Variants in CDV3 observed in about 807,000 individuals in gnomAD.
The protein encoded by CDV3 is protein CDV3 homolog.
CDV3 carries 14 observed loss-of-function variants against 24.5 expected under a neutral mutation model. That is an observed-to-expected ratio of 0.57 (90% CI 0.38 to 0.89). The LOEUF is 0.89. CDV3 is among the 40% of genes least tolerant of loss of function. The probability of loss-of-function intolerance (pLI) is 0.00; values close to 1 mark genes in which losing one functional copy is unlikely to be tolerated. For missense variants in CDV3, 304 were observed against 310.2 expected, an observed-to-expected ratio of 0.98 and a Z score of 0.15; for synonymous variants, 114 against 114.1, an observed-to-expected ratio of 1.00 and a Z score of 0.00.
chr3:133,583,250 C>T (rs1933236579), intron 2 of CDV3, among the ~76,000 whole-genome samples: 1 of 152,168 alleles, frequency 6.6e-6, no homozygotes, highest in Non-Finnish European at 1.5e-5. Flanking sequence ...TTGTTTTCAT[C>T]TGCTGGAATG....
At chr3:133,585,130 T>A (rs111893927) in intron 3 of CDV3, among the ~76,000 whole-genome samples, 1 of 151,552 alleles carries the variant, frequency 6.6e-6, no homozygotes. Context: ...TCATGGCTCA[T>A]TGCAGCCCCT....
At chr3:133,583,908 C>A in intron 2 of CDV3, 94 bp from the exon 3 acceptor site, 1 of 853,026 alleles carries the variant, frequency 1.2e-6, no homozygotes, top group Non-Finnish European at 1.8e-6. Context: ...TTGACTTCTT[C>A]AGGGTCGTAC....
chr3:133,574,902 A>G (rs759701430), intron 1 of CDV3, 137 bp from the exon 2 acceptor site: 3 of 736,792 alleles, frequency 4.1e-6, no homozygotes, highest in Non-Finnish European at 6.6e-6. Flanking sequence ...CCCAGAACGA[A>G]GCAAGGGCTT....
chr3:133,586,903 A>AG (rs1057133205), intron 4 of CDV3, among the ~76,000 whole-genome samples, 181 bp downstream of exon 4: 1 of 152,352 alleles, frequency 6.6e-6, no homozygotes, highest in Admixed American at 6.5e-5. Flanking sequence ...AAGGGAGGAA[A>AG]GGGGGAGGGC....
chr3:133,575,526 CAG>C (rs2074772030), intron 2 of CDV3, among the ~76,000 whole-genome samples: 1 of 152,180 alleles, frequency 6.6e-6, no homozygotes, highest in Admixed American at 6.5e-5. Context: ...ATCATACTTA[CAG>C]AGAGATAGAG....
At chr3:133,574,678 G>A in intron 1 of CDV3, 2 of 1,037,202 alleles carry the variant, frequency 1.9e-6, no homozygotes, top group South Asian at 3.2e-5. Context: ...CGCATTTGTA[G>A]CAGCTCTTTT....
chr3:133,587,823 A>C (rs1933771278), intron 4 of CDV3, 73 bp from the exon 5 acceptor site: 1 of 1,517,112 alleles, frequency 6.6e-7, no homozygotes, highest in Admixed American at 2.2e-5. Flanking sequence ...CTTTTTTTTA[A>C]ATTCAAGGAC....
rs1933764470 is a variant in CDV3, at chr3:133,587,748, G to A, written c.627-148G>A. 2.8e-6 allele frequency: 4 copies of A among 1,419,572 alleles called. No individual in the cohort carries two copies. The African/African-American group carries it at 4.3e-5, about 15-fold the overall frequency. The allele number at this position is 1,419,572 out of a possible 1,614,324, so 87.9% of individuals were successfully genotyped here. ...TCTGTTTGAATTGAAGCCTTAAAAT[G>A]GTTTGATAAGGATTTTCTATATGCC... On this transcript the variant is annotated intron_variant, in intron 4 of 4. Coordinates refer to ENST00000264993, the MANE Select transcript of CDV3 (RefSeq NM_017548.5).
intron 2 of CDV3, among the ~76,000 whole-genome samples, chr3:133,579,014 G>T (rs9830529): frequency 0.046 from 7,058 of 152,200 alleles, 425 homozygotes; most frequent in African/African-American, 0.14. Flanking sequence ...GAATTAAAAG[G>T]TAATGTGAAA....
Position 133,583,909 on chromosome 3 carries a change from AG to A in CDV3, c.318-90del. The A allele has an allele frequency of 3.5e-6, 3 of 855,562 alleles. No homozygotes were observed. The South Asian group carries it at 5.3e-5, about 15-fold the overall frequency. 53.0% of individuals were successfully genotyped at this position (855,562 alleles called of 1,614,324 possible). A position where few individuals can be genotyped will look rare whatever the true frequency, so the allele number is the denominator to read the frequency against. On this transcript the variant is annotated intron_variant, in intron 2 of 4. Coordinates refer to ENST00000264993, the MANE Select transcript of CDV3 (RefSeq NM_017548.5). ...AGTCTCGAAAGAGATTGACTTCTTC[AG>A]GGTCGTACAGATAATCATGGATAAA... is the stretch of plus-strand genomic sequence containing the variant.
rs988581115 is a variant in CDV3, at chr3:133,586,769, G to A, written c.626+47G>A. 3 of 1,237,088 alleles carry A rather than the reference G, an allele frequency of 2.4e-6. No individual in the cohort carries two copies. In the African/African-American group the frequency reaches 4.4e-5, roughly 18 times the overall value. 76.6% of individuals were successfully genotyped at this position (1,237,088 alleles called of 1,614,324 possible). On this transcript the variant is annotated intron_variant, in intron 4 of 4. Coordinates refer to ENST00000264993, the MANE Select transcript of CDV3 (RefSeq NM_017548.5). ...ATTTTGTTTGGGACTTCTGTTCCTA[G>A]GCCAGGGAGTGGGATATAGGGGATG...
intron 2 of CDV3, among the ~76,000 whole-genome samples, chr3:133,579,316 GTGTT>G (rs951043912): frequency 4.6e-5 from 7 of 152,136 alleles, no homozygotes; most frequent in African/African-American, 1.4e-4. Flanking sequence ...CAGTATTGTA[GTGTT>G]TGTTTATAAA....
At chr3:133,583,760 C>G (rs1933301949) in intron 2 of CDV3, among the ~76,000 whole-genome samples, 1 of 152,048 alleles carries the variant, frequency 6.6e-6, no homozygotes, top group Non-Finnish European at 1.5e-5. Flanking sequence ...ATGGGTTTCG[C>G]CATGTTGCCC....
intron 2 of CDV3, among the ~76,000 whole-genome samples, chr3:133,580,266 CAG>C (rs1419205421): frequency 2.0e-5 from 3 of 152,120 alleles, no homozygotes; most frequent in African/African-American, 7.2e-5. Context: ...TGATGGTTTC[CAG>C]CTTTATCCAT....
intron 2 of CDV3, among the ~76,000 whole-genome samples, chr3:133,577,630 G>C (rs1460997749): frequency 1.3e-5 from 2 of 152,158 alleles, no homozygotes; most frequent in Non-Finnish European, 2.9e-5. Context: ...AAAGTGCTGG[G>C]ATCACAGGCA....
chr3:133,574,942 A>T, intron 1 of CDV3, 97 bp from the exon 2 acceptor site: 1 of 837,124 alleles, frequency 1.2e-6, no homozygotes, highest in Non-Finnish European at 2.0e-6. Flanking sequence ...TACTTAGTTT[A>T]GGTTCCAGCC....
chr3:133,574,467 A>G, intron 1 of CDV3, 183 bp downstream of exon 1: 2 of 986,392 alleles, frequency 2.0e-6, no homozygotes, highest in Non-Finnish European at 2.4e-6. Context: ...ACCCCTTCCG[A>G]TATCCGCGGT....
At chr3:133,576,841 C>CTTTTTGTTTTTTTTTTTTTT (rs2074827558) in intron 2 of CDV3, among the ~76,000 whole-genome samples, 1 of 62,388 alleles carries the variant, frequency 1.6e-5, no homozygotes, top group African/African-American at 6.8e-5. Context: ...GGTAGACTAG[C>CTTTTTGTTTTTTTTTTTTTT]TTTTTTTTTT....
chr3:133,588,379 A>G lies in CDV3; in HGVS notation c.*333A>G. ...TACTGAGCCTTCATAAGGGTTGACTACCTCAGATTTGCTGCACTCATTGTG... is the reference window on the plus strand; with the variant it reads ...TACTGAGCCTTCATAAGGGTTGACTGCCTCAGATTTGCTGCACTCATTGTG... On this transcript the variant is annotated 3_prime_UTR_variant, in exon 5 of 5. Transcript: ENST00000264993. The G allele has an allele frequency of 6.5e-7, 1 of 1,535,624 alleles. No individual in the cohort carries two copies. The highest frequency in any genetic ancestry group is 8.7e-7 in the Non-Finnish European group (1 of 1,146,434).
Sources: gnomAD v4.1 joint callset for allele counts (sites outside exome capture counted in the v4.1 genomes callset) on GRCh38, gnomAD v4.1.1 for gene constraint, MANE v1.5 for transcripts, NCBI Gene and HGNC (gene_info 2026-07-23, HGNC 2026-07-21) for gene names.